The following SCARA5 variants were observed in gnomAD, a reference collection of about 807,000 sequenced individuals.
The protein encoded by SCARA5 is scavenger receptor class A member 5.
In SCARA5, 45 loss-of-function variants were observed where a neutral mutation model predicts 46.3. The ratio of observed to expected loss-of-function variants is 0.97; its 90% CI spans 0.76 to 1.24. The LOEUF (loss-of-function observed/expected upper bound fraction) is 1.24, where lower values mean the gene tolerates loss of function less well. SCARA5 is among the 50% of genes most tolerant of loss of function. SCARA5 has a pLI of 0.00. For synonymous variants in SCARA5, 333 were observed against 306.5 expected (o/e 1.09, Z -0.90); for missense variants, 680 against 689.0 (o/e 0.99, Z 0.15).
intron 3 of SCARA5, among the ~76,000 whole-genome samples, chr8:27,943,951 A>T (rs942089731): frequency 1.3e-5 from 2 of 152,196 alleles, no homozygotes; most frequent in African/African-American, 4.8e-5. Context: ...CCTTAACCAA[A>T]TTTACCATTA....
chr8:27,955,231 A>G (rs1185918601), intron 3 of SCARA5, among the ~76,000 whole-genome samples: 1 of 152,178 alleles, frequency 6.6e-6, no homozygotes, highest in Non-Finnish European at 1.5e-5. Flanking sequence ...TACCAGACAG[A>G]AACACAGCGA....
At chr8:27,886,050 G>A (rs1445589281) in intron 7 of SCARA5, 1 of 154,682 alleles carries the variant, frequency 6.5e-6, no homozygotes, top group African/African-American at 2.4e-5. Context: ...GGCTCCTATG[G>A]TCTCCCCAGT....
chr8:27,966,309 T>G, intron 3 of SCARA5, 105 bp downstream of exon 3: 2 of 1,189,068 alleles, frequency 1.7e-6, no homozygotes, highest in South Asian at 3.4e-5. Context: ...GTTTCCATGG[T>G]GACAAGGGCA....
At chr8:27,882,739 C>A (rs1368592228) in intron 7 of SCARA5, among the ~76,000 whole-genome samples, 1 of 152,174 alleles carries the variant, frequency 6.6e-6, no homozygotes, top group African/African-American at 2.4e-5. Flanking sequence ...GTTTTATATG[C>A]CACTAAGAAG....
At chr8:27,954,225 T>G (rs1258384604) in intron 3 of SCARA5, among the ~76,000 whole-genome samples, 1 of 151,960 alleles carries the variant, frequency 6.6e-6, no homozygotes, top group Admixed American at 6.6e-5. Flanking sequence ...AGAGGCCAGC[T>G]GGCCCCTCCA....
intron 3 of SCARA5, among the ~76,000 whole-genome samples, chr8:27,937,940 T>A (rs151095090): frequency 0.011 from 1,686 of 152,334 alleles, 39 homozygotes; most frequent in African/African-American, 0.038. Flanking sequence ...TACAGTCACA[T>A]GCTGAGGCAC....
At chr8:27,924,749 G>A (rs555164214) in intron 3 of SCARA5, among the ~76,000 whole-genome samples, 1 of 152,284 alleles carries the variant, frequency 6.6e-6, no homozygotes, top group East Asian at 1.9e-4. Context: ...CATCATCTCA[G>A]CCCAAAATCT....
At chr8:27,971,286 A>C (rs1479408291) in intron 2 of SCARA5, among the ~76,000 whole-genome samples, 1 of 152,248 alleles carries the variant, frequency 6.6e-6, no homozygotes, top group Non-Finnish European at 1.5e-5. Flanking sequence ...ACTCGGTGCC[A>C]GAGGTAGTCA....
intron 2 of SCARA5, among the ~76,000 whole-genome samples, chr8:27,982,684 T>C (rs1163527260): frequency 1.3e-5 from 2 of 151,992 alleles, no homozygotes; most frequent in Non-Finnish European, 2.9e-5. Flanking sequence ...CGCCCAGGCA[T>C]GCAGAGAAGG....
At chr8:27,981,770 G>T (rs1298496106) in intron 2 of SCARA5, among the ~76,000 whole-genome samples, 1 of 152,202 alleles carries the variant, frequency 6.6e-6, no homozygotes, top group Non-Finnish European at 1.5e-5. Context: ...GCTCCCCCGG[G>T]GACCACAGAC....
intron 2 of SCARA5, among the ~76,000 whole-genome samples, chr8:27,979,439 T>G (rs1389784822): frequency 1.3e-5 from 2 of 152,192 alleles, no homozygotes; most frequent in Non-Finnish European, 2.9e-5. Context: ...CGCTACGGGT[T>G]TCCCATTTCT....
chr8:27,943,130 G>A (rs1807978682), intron 3 of SCARA5, among the ~76,000 whole-genome samples: 2 of 152,198 alleles, frequency 1.3e-5, no homozygotes, highest in African/African-American at 4.8e-5. Context: ...GCACCAAGAG[G>A]TTGGAAGGGT....
chr8:27,959,953 C>A (rs867353566), intron 3 of SCARA5, among the ~76,000 whole-genome samples: 1 of 152,134 alleles, frequency 6.6e-6, no homozygotes, highest in Admixed American at 6.5e-5. Flanking sequence ...CTGAGCCCTG[C>A]GCTGTCACGG....
intron 3 of SCARA5, among the ~76,000 whole-genome samples, chr8:27,965,016 C>A (rs1808346949): frequency 6.6e-6 from 1 of 152,204 alleles, no homozygotes; most frequent in South Asian, 2.1e-4. Context: ...AAATCCTCCT[C>A]TGGCCCACTC....
Position 27,966,524 on chromosome 8 carries a change from C to A in SCARA5, c.131G>T (p.Arg44Leu), listed in dbSNP as rs138333240. ...CAGCTGGGTACAGCAGATGCTTGCC[C>A]GCCGTTTGTGACATGGACCTGGACA... ...LCEDGPCHKR[R>L]ASICCTQLGS... is the part of the protein sequence containing the mutation. The change falls in exon 3 of 9, where the codon CGG becomes CTG. Residue 44 changes from arginine to leucine, a missense_variant. Transcript: ENST00000354914. 1 of 1,612,824 alleles carries A rather than the reference C, an allele frequency of 6.2e-7. No homozygotes were observed.
Position 27,977,586 on chromosome 8 carries a change from C to T in SCARA5, c.112+9918G>A, listed in dbSNP as rs1039064069. Among the ~76,000 whole-genome samples, 6 of 152,324 alleles carry T rather than the reference C, an allele frequency of 3.9e-5. No homozygotes were observed. The East Asian group carries it at 5.8e-4, about 15-fold the overall frequency. On this transcript the variant is annotated intron_variant, in intron 2 of 8. Transcript: ENST00000354914. The stretch of plus-strand genomic sequence containing the variant: ...CTCATACACCAGTCATATGCCAGGG[C>T]GGTAGATGTTTCTCTTTGCTTCCTT...
intron 3 of SCARA5, among the ~76,000 whole-genome samples, chr8:27,938,535 T>C (rs1807892150): frequency 6.6e-6 from 1 of 152,202 alleles, no homozygotes. Context: ...TGTTTAGAGA[T>C]AAATGACTTG....
chr8:27,888,940 C>A (rs1458827489), intron 7 of SCARA5, among the ~76,000 whole-genome samples: 2 of 152,284 alleles, frequency 1.3e-5, no homozygotes, highest in East Asian at 3.9e-4. Flanking sequence ...TTGTTTCACC[C>A]CACAACTTTT....
At chr8:27,934,393 T>A (rs926945849) in intron 3 of SCARA5, among the ~76,000 whole-genome samples, 2 of 152,184 alleles carry the variant, frequency 1.3e-5, no homozygotes, top group African/African-American at 4.8e-5. Context: ...AAGCTCCCAG[T>A]TTGAAAACCA....
Sources: allele counts gnomAD v4.1 joint callset (sites outside exome capture counted in the v4.1 genomes callset), GRCh38; gene constraint gnomAD v4.1.1; transcripts MANE v1.5; gene names NCBI Gene and HGNC (gene_info 2026-07-23, HGNC 2026-07-21).